The following ABL1 variants were observed in gnomAD, a reference collection of about 807,000 sequenced individuals.
ABL1 encodes ABL proto-oncogene 1, non-receptor tyrosine kinase.
Under a neutral mutation model 94.7 loss-of-function variants are expected in ABL1, and 11 were observed. That is an observed-to-expected ratio of 0.12 (90% CI 0.07 to 0.19). The LOEUF (loss-of-function observed/expected upper bound fraction) is 0.19. ABL1 is among the 10% of genes least tolerant of loss of function. ABL1 has a pLI of 1.00. For synonymous variants in ABL1, 656 were observed against 622.4 expected (o/e 1.05, Z -0.80); for missense variants, 1,082 against 1,489.4 (o/e 0.73, Z 4.50).
chr9:130,734,667 G>A (rs932675638), intron 1 of ABL1, among the ~76,000 whole-genome samples: 6 of 151,202 alleles, frequency 4.0e-5, no homozygotes, highest in African/African-American at 7.3e-5. Flanking sequence ...GATCACAGGC[G>A]TGTGCCACCA....
rs548442618 is a variant in ABL1, at chr9:130,858,735, G to A, written c.549+3639G>A. Reference sequence around the variant, plus strand: ...CTAAGGGGAAATTTTAAGACCGATAGGAGGAATAGGCTGGGGTTGAATAAG... The same window carrying A: ...CTAAGGGGAAATTTTAAGACCGATAAGAGGAATAGGCTGGGGTTGAATAAG... On this transcript the variant is annotated intron_variant, in intron 3 of 10. Transcript: ENST00000318560. 3.9e-5 allele frequency among the ~76,000 whole-genome samples: 6 copies of A among 152,276 alleles called. No individual in the cohort carries two copies. In the South Asian group the frequency reaches 1.2e-3, roughly 32 times the overall value.
chr9:130,879,688 C>T (rs1831418549), intron 8 of ABL1, among the ~76,000 whole-genome samples: 1 of 152,172 alleles, frequency 6.6e-6, no homozygotes. Context: ...TCATGTTAGT[C>T]TCATTTTCAT....
intron 1 of ABL1, among the ~76,000 whole-genome samples, chr9:130,715,132 A>G (rs1183951475): frequency 3.9e-5 from 6 of 152,180 alleles, no homozygotes; most frequent in Admixed American, 1.3e-4. Context: ...GGGCCAATAA[A>G]GGTTATCTGT....
chr9:130,856,269 G>A lies in ABL1; in HGVS notation c.549+1173G>A, dbSNP rs533949918. 3.9e-5 allele frequency among the ~76,000 whole-genome samples: 6 copies of A among 152,194 alleles called. No homozygotes were observed. The South Asian group carries it at 1.2e-3, about 32-fold the overall frequency. On this transcript the variant is annotated intron_variant, in intron 3 of 10. Coordinates refer to ENST00000318560, the MANE Select transcript of ABL1 (RefSeq NM_005157.6). Reference sequence around the variant, plus strand: ...ACACCCAGCTAATTTTGTATTTTTAGTAGAGACAGGGTTTCACCATGTTGG... The same window carrying A: ...ACACCCAGCTAATTTTGTATTTTTAATAGAGACAGGGTTTCACCATGTTGG...
intron 1 of ABL1, among the ~76,000 whole-genome samples, chr9:130,779,628 A>G (rs911233286): frequency 3.9e-5 from 6 of 152,120 alleles, no homozygotes; most frequent in African/African-American, 1.2e-4. Flanking sequence ...TGGATTGGCA[A>G]TGGTATGTTT....
intron 1 of ABL1, among the ~76,000 whole-genome samples, chr9:130,827,123 G>A (rs1450381141): frequency 1.3e-5 from 2 of 152,190 alleles, no homozygotes; most frequent in Admixed American, 1.3e-4. Flanking sequence ...TCTGCACTCA[G>A]GAGCCTGACC....
Position 130,884,290 on chromosome 9 carries a change from G to A in ABL1, c.2000G>A (p.Gly667Glu), listed in dbSNP as rs1339099188. The A allele has an allele frequency of 6.2e-7, 1 of 1,606,244 alleles. No homozygotes were observed. Among genetic ancestry groups the A allele is most frequent in the African/African-American group, 1.3e-5 (1 of 74,496 alleles). ...AKSPKPSNGAGVPNGALRESG... is the reference protein window; with the variant it reads ...AKSPKPSNGAEVPNGALRESG... The stretch of plus-strand genomic sequence containing the variant: ...TCCCCAAAGCCCAGCAATGGGGCTG[G>A]GGTCCCCAATGGAGCCCTCCGGGAG... Residue 667 changes from glycine (G) to glutamate (E), a missense_variant, in exon 11 of 11, where the codon GGG becomes GAG. By Grantham distance (98) the Gly-to-Glu change is moderately conservative. Transcript: ENST00000318560. The surrounding 1 kb of genome is among the most constrained non-coding windows in gnomAD (Gnocchi z 5.6).
chr9:130,731,166 C>T, intron 1 of ABL1, among the ~76,000 whole-genome samples: 1 of 151,518 alleles, frequency 6.6e-6, no homozygotes. Flanking sequence ...ACCACCATGC[C>T]CAGCTAGTTT....
upstream of ABL1, chr9:130,835,010 C>A: frequency 2.9e-6 from 1 of 350,848 alleles, no homozygotes; most frequent in Non-Finnish European, 5.8e-6. The surrounding 1 kb of genome is among the most constrained non-coding windows in gnomAD (Gnocchi z 4.6). Context: ...TGCACCCTCC[C>A]CGCCGGGGCT....
At chr9:130,820,272 C>T (rs2132875790) in intron 1 of ABL1, among the ~76,000 whole-genome samples, 1 of 152,200 alleles carries the variant, frequency 6.6e-6, no homozygotes, top group African/African-American at 2.4e-5. Flanking sequence ...CAGGTGGGGT[C>T]ATGGTATGTA....
intron 1 of ABL1, among the ~76,000 whole-genome samples, chr9:130,827,725 T>C (rs1442111334): frequency 6.6e-6 from 1 of 151,760 alleles, no homozygotes; most frequent in African/African-American, 2.4e-5. Context: ...TGAAACCCCA[T>C]CTCCACTAAA....
At chr9:130,869,516 G>A (rs776562681) in intron 4 of ABL1, among the ~76,000 whole-genome samples, 9 of 152,258 alleles carry the variant, frequency 5.9e-5, no homozygotes, top group South Asian at 2.1e-4. Flanking sequence ...TCTCTTAACC[G>A]CTCCGCCGTA....
rs548526607 is a variant in ABL1 at position 130,864,699 on chromosome 9, G to A, written c.822+1664G>A. On this transcript the variant is annotated intron_variant, in intron 4 of 10. Transcript: ENST00000318560. ...TAGTAGGAGGAAGAAGGATTGCAGCGCAGCAGTCCTCGGGACACCACCAGG... is the reference window on the plus strand; with the variant it reads ...TAGTAGGAGGAAGAAGGATTGCAGCACAGCAGTCCTCGGGACACCACCAGG... Among the ~76,000 whole-genome samples the A allele has an allele frequency of 1.1e-4, 17 of 152,320 alleles. No individual in the cohort carries two copies. In the South Asian group the frequency reaches 1.4e-3, roughly 13 times the overall value.
intron 1 of ABL1, among the ~76,000 whole-genome samples, chr9:130,787,408 C>T (rs1829843726): frequency 1.3e-5 from 2 of 152,006 alleles, no homozygotes; most frequent in Non-Finnish European, 2.9e-5. Context: ...TCCCACGTTT[C>T]CCCCCAACCC....
At chr9:130,727,523 G>T (rs1052603068) in intron 1 of ABL1, among the ~76,000 whole-genome samples, 1 of 152,092 alleles carries the variant, frequency 6.6e-6, no homozygotes, top group Non-Finnish European at 1.5e-5. Flanking sequence ...AGCAATTTGG[G>T]AGGCTGAGGT....
At chr9:130,717,393 T>C (rs1312986248) in intron 1 of ABL1, among the ~76,000 whole-genome samples, 1 of 151,946 alleles carries the variant, frequency 6.6e-6, no homozygotes, top group Admixed American at 6.6e-5. Flanking sequence ...CATGCACAGG[T>C]TAAAGATCCA....
intron 1 of ABL1, among the ~76,000 whole-genome samples, chr9:130,762,875 C>T (rs1307218340): frequency 6.7e-6 from 1 of 148,444 alleles, no homozygotes; most frequent in Non-Finnish European, 1.5e-5. Flanking sequence ...GGCGCCACTG[C>T]ACTCCAGCCT....
chr9:130,849,624 T>G (rs1240509158), intron 1 of ABL1, among the ~76,000 whole-genome samples: 1 of 152,152 alleles, frequency 6.6e-6, no homozygotes, highest in Non-Finnish European at 1.5e-5. Context: ...GTTCAGGTGA[T>G]TCTCCTGCCT....
At chr9:130,714,538 T>C (rs1032313238) in intron 1 of ABL1, 1 of 1,545,092 alleles carries the variant, frequency 6.5e-7, no homozygotes, top group Non-Finnish European at 9.0e-7. Context: ...CAACAGTACT[T>C]GCGACAGTTC....
Sources: gnomAD v4.1 joint callset for allele counts (sites outside exome capture counted in the v4.1 genomes callset) on GRCh38, gnomAD v4.1.1 for gene constraint, Gnocchi (gnomAD v3.1) non-coding constraint, MANE v1.5 for transcripts, NCBI Gene and HGNC (gene_info 2026-07-23, HGNC 2026-07-21) for gene names.